The following TP53BP2 variants were observed in gnomAD, a reference collection of about 807,000 sequenced individuals.
TP53BP2 encodes apoptosis-stimulating of p53 protein 2.
In TP53BP2, 62 loss-of-function variants were observed where a neutral mutation model predicts 126.2. The observed-to-expected ratio is 0.49, with a 90% CI of 0.40 to 0.61. TP53BP2 has a LOEUF of 0.61. TP53BP2 is among the 20% of genes least tolerant of loss of function. The pLI, the probability that TP53BP2 is intolerant of heterozygous loss-of-function variation, is 0.00. For synonymous variants in TP53BP2, 485 were observed against 502.9 expected, an observed-to-expected ratio of 0.96 and a Z score of 0.48; for missense variants, 1,215 against 1,402.8, an observed-to-expected ratio of 0.87 and a Z score of 2.14.
chr1:223,811,923 G>A lies in TP53BP2; in HGVS notation c.290-1410C>T, dbSNP rs567994326. 7.2e-5 allele frequency among the ~76,000 whole-genome samples: 11 copies of A among 151,998 alleles called. No individual in the cohort carries two copies. The South Asian group carries it at 2.3e-3, about 32-fold the overall frequency. Reference sequence around the variant, plus strand: ...GAAACTGCATATTGCACTATTGAGAGACTATTTAATAATTTATCCAGTACT... The same window carrying A: ...GAAACTGCATATTGCACTATTGAGAAACTATTTAATAATTTATCCAGTACT... On this transcript the variant is annotated intron_variant, in intron 3 of 17. Coordinates refer to ENST00000343537, the MANE Select transcript of TP53BP2 (RefSeq NM_001031685.3).
At chr1:223,811,237 A>C (rs1571858779) in intron 3 of TP53BP2, among the ~76,000 whole-genome samples, 1 of 152,282 alleles carries the variant, frequency 6.6e-6, no homozygotes, top group African/African-American at 2.4e-5. Flanking sequence ...ACATTATAAG[A>C]AGCAAATAAT....
chr1:223,798,335 C>A lies in TP53BP2; in HGVS notation c.1828G>T (p.Val610Leu), dbSNP rs780119061. 1.4e-5 allele frequency: 22 copies of A among 1,614,102 alleles called. 1 individual carries two copies. Among genetic ancestry groups the A allele is most frequent in the Middle Eastern group, 3.3e-4 (2 of 6,062 alleles). The stretch of plus-strand genomic sequence containing the variant: ...ATGGAATATATTGAACTTGCTGCCA[C>A]GGTCTGGGGTTTTCTGAAGGGTGGA... ...LLPPFRKPQTVAASSIYSMYT... is the reference protein window; with the variant it reads ...LLPPFRKPQTLAASSIYSMYT... Residue 610 changes from valine (V) to leucine (L), a missense_variant, in exon 12 of 18, where the codon GTG (valine) becomes TTG (leucine). Transcript: ENST00000343537.
rs1277746560 is a variant in TP53BP2 at position 223,798,345 on chromosome 1, T to C, written c.1818A>G (p.Lys606=). The stretch of plus-strand genomic sequence containing the variant: ...TTGAACTTGCTGCCACGGTCTGGGG[T>C]TTTCTGAAGGGTGGAAGTAAGGTGT... ...SKDTLLPPFR[K]PQTVAASSIY... Residue 606 remains lysine (K), a synonymous_variant, in exon 12 of 18, where the codon AAA becomes AAG. Coordinates refer to ENST00000343537, the MANE Select transcript of TP53BP2 (RefSeq NM_001031685.3). 1 of 1,613,740 alleles carries C rather than the reference T, an allele frequency of 6.2e-7. No homozygotes were observed. The highest frequency in any genetic ancestry group is 1.1e-5 in the South Asian group (1 of 91,056).
At chr1:223,797,158 T>C (rs888434556) in intron 12 of TP53BP2, among the ~76,000 whole-genome samples, 1 of 152,210 alleles carries the variant, frequency 6.6e-6, no homozygotes, top group Non-Finnish European at 1.5e-5. Context: ...GCATATATAC[T>C]GATTCTTTGC....
rs543028433 is a variant in TP53BP2, at chr1:223,792,750, T to A, written c.2863-228A>T. ...GCAGTCACTATAAAAAGGTTTTTTT[T>A]AAAAAAAGGAAGTACCAGAAACTAT... is the stretch of plus-strand genomic sequence containing the variant. On this transcript the variant is annotated intron_variant, in intron 14 of 17. Coordinates refer to ENST00000343537, the MANE Select transcript of TP53BP2 (RefSeq NM_001031685.3). 6.3e-4 allele frequency among the ~76,000 whole-genome samples: 95 copies of A among 151,666 alleles called. No individual in the cohort carries two copies. In the East Asian group the frequency reaches 0.012, roughly 18 times the overall value.
chr1:223,831,474 A>T (rs1377556384), intron 1 of TP53BP2, among the ~76,000 whole-genome samples: 3 of 72,196 alleles, frequency 4.2e-5, no homozygotes, highest in African/African-American at 9.1e-5. Flanking sequence ...TCTAAAAAAA[A>T]AAAAAAATAT....
intron 16 of TP53BP2, among the ~76,000 whole-genome samples, chr1:223,787,671 G>A (rs965747759): frequency 1.3e-5 from 2 of 152,102 alleles, no homozygotes; most frequent in African/African-American, 2.4e-5. Context: ...AAGCTCACGA[G>A]TTTGAGAACC....
intron 1 of TP53BP2, among the ~76,000 whole-genome samples, chr1:223,827,476 G>A (rs1452654826): frequency 6.6e-6 from 1 of 152,212 alleles, no homozygotes. Flanking sequence ...GGCCTGGCTG[G>A]AACAGGCTAG....
At position 223,792,436 on chromosome 1, in the gene TP53BP2, G is replaced by C; in HGVS notation, c.2949C>G (p.Phe983Leu). ...VCAGHTEIVKFLVQFGVNVNA... is the reference protein window; with the variant it reads ...VCAGHTEIVKLLVQFGVNVNA... ...TTACATTTACACCAAACTGTACCAG[G>C]AACTTAACGATTTCTGTGTGGCCTG... The change falls in exon 15 of 18, where the codon TTC (phenylalanine) becomes TTG (leucine). Residue 983 changes from phenylalanine (F) to leucine (L), a missense_variant. Phe to Leu is a conservative substitution (Grantham distance 22). Transcript: ENST00000343537. 1 of 1,613,532 alleles carries C rather than the reference G, an allele frequency of 6.2e-7. No individual in the cohort carries two copies. Among genetic ancestry groups the C allele is most frequent in the Admixed American group, 1.7e-5 (1 of 59,912 alleles).
intron 2 of TP53BP2, among the ~76,000 whole-genome samples, chr1:223,814,819 A>G (rs1571861528): frequency 6.6e-6 from 1 of 152,252 alleles, no homozygotes; most frequent in South Asian, 2.1e-4. Flanking sequence ...TTTTTAAATT[A>G]TAATTTTACA....
chr1:223,837,153 A>AGG (rs199659505), intron 1 of TP53BP2, among the ~76,000 whole-genome samples: 1 of 54,018 alleles, frequency 1.9e-5, no homozygotes, highest in East Asian at 6.7e-4. Context: ...ATTAAAAAAA[A>AGG]AAGGGGGGGG....
At chr1:223,810,547 C>G (rs1282534212) in intron 3 of TP53BP2, 34 bp from the exon 4 acceptor site, 1 of 1,383,510 alleles carries the variant, frequency 7.2e-7, no homozygotes, top group Non-Finnish European at 1.0e-6. Context: ...TGCATTAACA[C>G]TAGAGTTGAC....
chr1:223,782,534 G>A (rs1325457026), intron 17 of TP53BP2, among the ~76,000 whole-genome samples: 2 of 152,188 alleles, frequency 1.3e-5, no homozygotes, highest in Non-Finnish European at 2.9e-5. Context: ...CGAGGCTGGA[G>A]TGCAGTGGCA....
chr1:223,834,942 T>A (rs1435666793), intron 1 of TP53BP2: 1 of 885,614 alleles, frequency 1.1e-6, no homozygotes, highest in Non-Finnish European at 1.4e-6. Context: ...TTAGTACACA[T>A]GTTTTGGTTC....
In TP53BP2 at chr1:223,798,756, A is replaced by G. The variant is rs991405719; in HGVS notation, c.1486-79T>C. The G allele has an allele frequency of 1.3e-5, 15 of 1,181,046 alleles. No individual in the cohort carries two copies. The African/African-American group carries it at 2.3e-4, about 18-fold the overall frequency. 73.2% of individuals were successfully genotyped at this position (1,181,046 alleles called of 1,614,324 possible). The stretch of plus-strand genomic sequence containing the variant: ...GATGTTCTAGATAACCTAATTTCAC[A>G]AATGTAAATATACACTATAAAAATA... On this transcript the variant is annotated intron_variant, in intron 11 of 17. Coordinates refer to ENST00000343537, the MANE Select transcript of TP53BP2 (RefSeq NM_001031685.3).
chr1:223,792,638 A>T, intron 14 of TP53BP2, 116 bp from the exon 15 acceptor site: 1 of 1,024,606 alleles, frequency 9.8e-7, no homozygotes, highest in East Asian at 2.5e-5. Context: ...CACTTTTAAA[A>T]ATCATAATTA....
intron 17 of TP53BP2, among the ~76,000 whole-genome samples, chr1:223,782,259 A>G (rs1028696770): frequency 1.1e-4 from 16 of 152,196 alleles, no homozygotes; most frequent in African/African-American, 3.6e-4. Flanking sequence ...AATTTTTGCC[A>G]ATTTAAAAAA....
chr1:223,782,748 G>A lies in TP53BP2; in HGVS notation c.3363+1367C>T, dbSNP rs118091998. ...GATTACAGGCGTGAGCCACTATGCC[G>A]GGCCCCTGAAAGTTTTTTTTAAGGG... On this transcript the variant is annotated intron_variant, in intron 17 of 17. Transcript: ENST00000343537. Among the ~76,000 whole-genome samples the A allele has an allele frequency of 4.2e-3, 643 of 152,208 alleles. 29 individuals are homozygous for A. In the East Asian group the frequency reaches 0.1, roughly 25 times the overall value.
At chr1:223,805,678 G>A (rs1274771301) in intron 5 of TP53BP2, among the ~76,000 whole-genome samples, 4 of 152,156 alleles carry the variant, frequency 2.6e-5, no homozygotes, top group African/African-American at 4.8e-5. Context: ...ACCAACAATT[G>A]TCTACCCCAG....
Sources: allele counts gnomAD v4.1 joint callset (sites outside exome capture counted in the v4.1 genomes callset), GRCh38; gene constraint gnomAD v4.1.1; transcripts MANE v1.5; gene names NCBI Gene and HGNC (gene_info 2026-07-23, HGNC 2026-07-21).